The following EFNA5 variants were observed in gnomAD, a reference collection of about 807,000 sequenced individuals.
EFNA5 encodes the protein ephrin-A5.
A neutral mutation model predicts 22.9 loss-of-function variants in EFNA5; 5 were observed. The ratio of observed to expected loss-of-function variants is 0.22; its 90% confidence interval spans 0.11 to 0.46. The LOEUF is 0.46. Ranked by LOEUF, EFNA5 falls within the 20% of genes least tolerant of loss-of-function variation. The pLI, the probability that EFNA5 is intolerant of heterozygous loss-of-function variation, is 0.99. For synonymous variants in EFNA5, 113 were observed against 112.2 expected (o/e 1.01, Z -0.04); for missense variants, 237 against 293.3 (o/e 0.81, Z 1.40).
At chr5:107,618,361 GT>G in intron 1 of EFNA5, among the ~76,000 whole-genome samples, 1 of 152,072 alleles carries the variant, frequency 6.6e-6, no homozygotes, top group African/African-American at 2.4e-5. Flanking sequence ...CATGCACTGG[GT>G]TTTTTTTCTT....
intron 1 of EFNA5, among the ~76,000 whole-genome samples, chr5:107,571,724 C>T (rs1484256866): frequency 1.3e-5 from 2 of 152,134 alleles, no homozygotes; most frequent in African/African-American, 4.8e-5. Flanking sequence ...TACCCACTGG[C>T]AGGAACCAAA....
At chr5:107,445,051 C>T (rs922867727) in intron 1 of EFNA5, among the ~76,000 whole-genome samples, 3 of 151,994 alleles carry the variant, frequency 2.0e-5, no homozygotes, top group Non-Finnish European at 4.4e-5. Context: ...GAGATAGAGT[C>T]TCACTCTGTC....
chr5:107,478,939 G>A (rs1285704384), intron 1 of EFNA5, among the ~76,000 whole-genome samples: 3 of 152,066 alleles, frequency 2.0e-5, no homozygotes, highest in African/African-American at 7.2e-5. Flanking sequence ...CTGTTGATCA[G>A]GAAAGTATAC....
intron 1 of EFNA5, among the ~76,000 whole-genome samples, chr5:107,523,013 CA>C (rs1747626960): frequency 6.6e-6 from 1 of 152,154 alleles, no homozygotes; most frequent in Non-Finnish European, 1.5e-5. Flanking sequence ...ACAGATTCCA[CA>C]AGACAGATAA....
At chr5:107,662,079 T>C (rs1011112433) in intron 1 of EFNA5, among the ~76,000 whole-genome samples, 4 of 152,184 alleles carry the variant, frequency 2.6e-5, no homozygotes, top group African/African-American at 9.7e-5. Context: ...AGGTATTTGT[T>C]AGTTCATTTA....
In EFNA5 at chr5:107,670,826, T is replaced by A; in HGVS notation, c.-213A>T. 1.7e-6 allele frequency: 1 copy of A among 598,796 alleles called. No homozygotes were observed. The highest frequency in any genetic ancestry group is 2.8e-6 in the Non-Finnish European group (1 of 351,708). 37.1% of individuals were successfully genotyped at this position (598,796 alleles called of 1,614,324 possible). On this transcript the variant is annotated 5_prime_UTR_variant, in exon 1 of 5. Transcript: ENST00000333274. ...GAAAAGAAGGCGGTGGGATGGGGGG[T>A]GATAAAGACAAACTCGCACCCCCAC...
At chr5:107,580,082 T>C (rs1749010324) in intron 1 of EFNA5, among the ~76,000 whole-genome samples, 1 of 152,200 alleles carries the variant, frequency 6.6e-6, no homozygotes, top group Non-Finnish European at 1.5e-5. Flanking sequence ...GACTATATAA[T>C]CACACTTTTA....
chr5:107,653,399 G>A (rs529205013), intron 1 of EFNA5, among the ~76,000 whole-genome samples: 1 of 152,116 alleles, frequency 6.6e-6, no homozygotes, highest in Admixed American at 6.6e-5. Flanking sequence ...TCGGCTGTGG[G>A]CCCTGTTAAT....
At chr5:107,479,141 A>G (rs1750386598) in intron 1 of EFNA5, among the ~76,000 whole-genome samples, 1 of 152,214 alleles carries the variant, frequency 6.6e-6, no homozygotes, top group Non-Finnish European at 1.5e-5. Context: ...AGATTTGTTC[A>G]CACTTGGTAA....
At chr5:107,594,515 CA>C (rs1055863819) in intron 1 of EFNA5, among the ~76,000 whole-genome samples, 4 of 152,130 alleles carry the variant, frequency 2.6e-5, no homozygotes, top group African/African-American at 9.7e-5. Flanking sequence ...ATCCACAAGC[CA>C]AACCCTTACA....
At chr5:107,387,443 T>C (rs1580416490) in intron 3 of EFNA5, 128 bp from the exon 4 acceptor site, 2 of 650,400 alleles carry the variant, frequency 3.1e-6, no homozygotes, top group Admixed American at 6.1e-5. Context: ...CAATGGCATG[T>C]TCCAAATGCC....
chr5:107,527,923 T>C (rs1456941991), intron 1 of EFNA5, among the ~76,000 whole-genome samples: 1 of 152,118 alleles, frequency 6.6e-6, no homozygotes, highest in Non-Finnish European at 1.5e-5. Context: ...ATGTCACAAC[T>C]TTCTCCCCCA....
chr5:107,598,267 AT>A (rs1749514967), intron 1 of EFNA5, among the ~76,000 whole-genome samples: 1 of 152,078 alleles, frequency 6.6e-6, no homozygotes, highest in African/African-American at 2.4e-5. Context: ...GAGTTAAATA[AT>A]TTTCCTTACT....
chr5:107,474,883 A>G (rs987781894), intron 1 of EFNA5, among the ~76,000 whole-genome samples: 1 of 152,244 alleles, frequency 6.6e-6, no homozygotes, highest in Non-Finnish European at 1.5e-5. Flanking sequence ...ATGTTGACTC[A>G]TAACTGTCTA....
chr5:107,632,322 C>A (rs1471675336), intron 1 of EFNA5, among the ~76,000 whole-genome samples: 1 of 152,048 alleles, frequency 6.6e-6, no homozygotes, highest in Non-Finnish European at 1.5e-5. Flanking sequence ...AAATTGCATC[C>A]ATCCACAAAA....
chr5:107,631,682 C>A (rs1750257075), intron 1 of EFNA5, among the ~76,000 whole-genome samples: 1 of 151,848 alleles, frequency 6.6e-6, no homozygotes, highest in South Asian at 2.1e-4. Flanking sequence ...ATCTTTATAG[C>A]ATAAAATATT....
chr5:107,473,789 T>G (rs1031521630), intron 1 of EFNA5, among the ~76,000 whole-genome samples: 3 of 151,974 alleles, frequency 2.0e-5, no homozygotes, highest in African/African-American at 7.3e-5. Context: ...GCCTTCTGAA[T>G]AGCTGGGATT....
intron 1 of EFNA5, among the ~76,000 whole-genome samples, chr5:107,461,848 T>C (rs950768739): frequency 1.3e-4 from 20 of 152,160 alleles, no homozygotes; most frequent in Non-Finnish European, 5.9e-5. Flanking sequence ...ATTTATTCAC[T>C]GGCTCTAGGG....
intron 1 of EFNA5, among the ~76,000 whole-genome samples, chr5:107,622,877 C>T (rs573857538): frequency 1.1e-4 from 16 of 151,080 alleles, no homozygotes; most frequent in Admixed American, 2.6e-4. Context: ...AAAAATTAGC[C>T]GGGCGCGGTG....
Sources: allele counts gnomAD v4.1 joint callset (sites outside exome capture counted in the v4.1 genomes callset), GRCh38; gene constraint gnomAD v4.1.1; transcripts MANE v1.5; gene names NCBI Gene and HGNC (gene_info 2026-07-23, HGNC 2026-07-21).